SLC25A37: variants seen among roughly 807,000 people sequenced by gnomAD.
SLC25A37 encodes the protein mitoferrin-1.
A neutral mutation model predicts 31.0 loss-of-function variants in SLC25A37; 17 were observed. The ratio of observed to expected loss-of-function variants is 0.55; its 90% CI spans 0.38 to 0.82. The LOEUF is 0.82. SLC25A37 is among the 40% of genes least tolerant of loss of function. The pLI is 0.00. For synonymous variants in SLC25A37, 222 were observed against 193.0 expected, an observed-to-expected ratio of 1.15 and a Z score of -1.24; for missense variants, 404 against 465.8, an observed-to-expected ratio of 0.87 and a Z score of 1.22.
chr8:23,562,219 A>T (rs1563264167), intron 1 of SLC25A37, among the ~76,000 whole-genome samples: 1 of 152,162 alleles, frequency 6.6e-6, no homozygotes, highest in Non-Finnish European at 1.5e-5. Context: ...GCCTGGAGCC[A>T]CCTCTTGTTC....
Position 23,529,628 on chromosome 8 carries a change from C to A in SLC25A37, c.210+416C>A, listed in dbSNP as rs1801624094. Among the ~76,000 whole-genome samples, 1 of 152,168 alleles carries A rather than the reference C, an allele frequency of 6.6e-6. No individual in the cohort carries two copies. Among genetic ancestry groups the A allele is most frequent in the South Asian group, 2.1e-4 (1 of 4,836 alleles). On this transcript the variant is annotated intron_variant, in intron 1 of 3. Coordinates refer to ENST00000519973, the MANE Select transcript of SLC25A37 (RefSeq NM_016612.4). This position sits in a 1 kb window ranked among gnomAD's most constrained non-coding sequence, Gnocchi z 4.1. ...GTGCGCGGTTTCCGAGGGAGCTCCC[C>A]GCAGGGGAAGCCCTCACCACGCTGG...
At chr8:23,539,676 C>G (rs1214066788) in intron 1 of SLC25A37, among the ~76,000 whole-genome samples, 1 of 152,218 alleles carries the variant, frequency 6.6e-6, no homozygotes, top group East Asian at 1.9e-4. Context: ...CTAGTGTCAT[C>G]TACTTTACCT....
intron 1 of SLC25A37, among the ~76,000 whole-genome samples, chr8:23,565,348 T>G (rs931306948): frequency 4.6e-5 from 7 of 152,100 alleles, no homozygotes; most frequent in Non-Finnish European, 1.0e-4. Context: ...GATGGTGTCC[T>G]AGGGATGACA....
intron 1 of SLC25A37, among the ~76,000 whole-genome samples, chr8:23,534,658 C>T (rs1002272678): frequency 6.6e-6 from 1 of 152,166 alleles, no homozygotes; most frequent in African/African-American, 2.4e-5. Context: ...TGGACCGGGT[C>T]CCATTTCCCA....
chr8:23,568,136 T>G, intron 2 of SLC25A37, 186 bp from the exon 3 acceptor site: 2 of 696,402 alleles, frequency 2.9e-6, no homozygotes, highest in Non-Finnish European at 5.3e-6. Context: ...AAATTAACCA[T>G]CCCCATTTTT....
chr8:23,547,696 G>A (rs534423064), intron 1 of SLC25A37, among the ~76,000 whole-genome samples: 3 of 152,318 alleles, frequency 2.0e-5, no homozygotes, highest in South Asian at 2.1e-4. Flanking sequence ...AAGGACCAGC[G>A]GCCCATGTAC....
chr8:23,553,735 A>G (rs1413652949), intron 1 of SLC25A37, among the ~76,000 whole-genome samples: 3 of 152,194 alleles, frequency 2.0e-5, no homozygotes, highest in Non-Finnish European at 4.4e-5. Context: ...ATGGGTTGGT[A>G]TTGAACCAAC....
At chr8:23,570,627 ACTCT>A (rs922000399) in intron 3 of SLC25A37, among the ~76,000 whole-genome samples, 3 of 152,044 alleles carry the variant, frequency 2.0e-5, no homozygotes, top group Non-Finnish European at 2.9e-5. Flanking sequence ...TGAGGCTCAA[ACTCT>A]CTCTTTCTCC....
rs1467021181 is a variant in SLC25A37 at position 23,528,978 on chromosome 8, C to G, written c.-25C>G. ...CCCCTCCCTGCCCACCTCCTGCAGC[C>G]TCCTGCGCCCCGCCGAGCTGGCGGA... On this transcript the variant is annotated 5_prime_UTR_variant, in exon 1 of 4. Transcript: ENST00000519973. The G allele has an allele frequency of 4.1e-6, 6 of 1,471,068 alleles. No individual in the cohort carries two copies. The highest frequency in any genetic ancestry group is 5.4e-6 in the Non-Finnish European group (6 of 1,109,444). 91.1% of individuals were successfully genotyped at this position (1,471,068 alleles called of 1,614,324 possible). A position where few individuals can be genotyped will look rare whatever the true frequency, so the allele number is the denominator to read the frequency against.
intron 1 of SLC25A37, among the ~76,000 whole-genome samples, chr8:23,548,474 G>A (rs1280725682): frequency 2.4e-4 from 35 of 143,602 alleles, no homozygotes; most frequent in Non-Finnish European, 6.0e-5. Context: ...CACCACGTCC[G>A]GGCTTTTTTT....
intron 3 of SLC25A37, 179 bp downstream of exon 3, chr8:23,568,557 C>T (rs1272936233): frequency 1.5e-6 from 1 of 672,066 alleles, no homozygotes; most frequent in South Asian, 1.8e-5. Flanking sequence ...AGGACGTGAA[C>T]ATAAGAGTTT....
chr8:23,535,477 C>T (rs1224610506), intron 1 of SLC25A37, among the ~76,000 whole-genome samples: 2 of 152,174 alleles, frequency 1.3e-5, no homozygotes, highest in African/African-American at 2.4e-5. Context: ...GTCTTCATTC[C>T]TTTAAGGTAT....
At chr8:23,563,942 C>G (rs566321834) in intron 1 of SLC25A37, among the ~76,000 whole-genome samples, 2 of 152,098 alleles carry the variant, frequency 1.3e-5, no homozygotes, top group South Asian at 4.1e-4. Context: ...GATTGTGCCA[C>G]TGCACTCCAG....
intron 1 of SLC25A37, among the ~76,000 whole-genome samples, chr8:23,560,851 C>CT (rs1472294270): frequency 2.6e-5 from 4 of 152,130 alleles, no homozygotes; most frequent in African/African-American, 9.7e-5. Flanking sequence ...GTGTTCTGTG[C>CT]TTTTTCCAAA....
chr8:23,545,994 G>A (rs1210669717), intron 1 of SLC25A37, among the ~76,000 whole-genome samples: 4 of 152,166 alleles, frequency 2.6e-5, no homozygotes, highest in Non-Finnish European at 5.9e-5. Context: ...AATTAGCTGG[G>A]TGTGGTAGCA....
intron 1 of SLC25A37, among the ~76,000 whole-genome samples, chr8:23,549,010 G>T (rs767703287): frequency 1.2e-4 from 19 of 152,046 alleles, no homozygotes; most frequent in South Asian, 6.2e-4. Context: ...ATCTAAATGA[G>T]GTCCCCCTGC....
chr8:23,560,669 C>T (rs1028569590), intron 1 of SLC25A37, among the ~76,000 whole-genome samples: 5 of 152,216 alleles, frequency 3.3e-5, no homozygotes, highest in Admixed American at 6.5e-5. Context: ...GGCCACTTGC[C>T]TCTGTCTGGG....
At chr8:23,556,513 A>G (rs1802369809) in intron 1 of SLC25A37, among the ~76,000 whole-genome samples, 1 of 151,632 alleles carries the variant, frequency 6.6e-6, no homozygotes, top group Admixed American at 6.6e-5. Flanking sequence ...GGTGTGAGCC[A>G]CTGCACCCAG....
chr8:23,570,618 G>A (rs1320543303), intron 3 of SLC25A37, among the ~76,000 whole-genome samples: 1 of 152,178 alleles, frequency 6.6e-6, no homozygotes, highest in African/African-American at 2.4e-5. Context: ...AGAAAAAAGT[G>A]AGGCTCAAAC....
Sources: gnomAD v4.1 joint callset for allele counts (sites outside exome capture counted in the v4.1 genomes callset) on GRCh38, gnomAD v4.1.1 for gene constraint, Gnocchi (gnomAD v3.1) non-coding constraint, MANE v1.5 for transcripts, NCBI Gene and HGNC (gene_info 2026-07-23, HGNC 2026-07-21) for gene names.